Variants in OR14I1 observed in about 807,000 individuals in gnomAD.
OR14I1 encodes olfactory receptor 14I1.
For missense variants in OR14I1, 279 were observed against 181.8 expected, an observed-to-expected ratio of 1.53 and a Z score of -3.07; for synonymous variants, 118 against 71.1, an observed-to-expected ratio of 1.66 and a Z score of -3.32.
chr1:248,685,256 G>A (rs1333642805), upstream of OR14I1, among the ~76,000 whole-genome samples: 1 of 152,120 alleles, frequency 6.6e-6, no homozygotes, highest in Non-Finnish European at 1.5e-5. Flanking sequence ...ATTACATTCT[G>A]CATATTTTGA....
chr1:248,692,722 TA>T, the OR14I1 span: 124,805 of 152,246 alleles, frequency 0.82, 51,691 homozygotes, highest in Non-Finnish European at 0.88. Context: ...ATCAACCACT[TA>T]ACTGACTGCC....
At chr1:248,684,875 T>C (rs893838445), upstream of OR14I1, among the ~76,000 whole-genome samples, 2 of 151,832 alleles carry the variant, frequency 1.3e-5, no homozygotes, top group Non-Finnish European at 2.9e-5. Context: ...TTGAAAACAT[T>C]GAACAGTAAT....
chr1:248,679,653 T>A (rs1661526606), downstream of OR14I1, among the ~76,000 whole-genome samples: 1 of 152,150 alleles, frequency 6.6e-6, no homozygotes, highest in Non-Finnish European at 1.5e-5. Flanking sequence ...ACACCTGCTC[T>A]GGTGGGACAG....
exon 1 of OR14I1, chr1:248,682,038 G>A (rs1201516143): frequency 2.6e-6 from 2 of 781,070 alleles, no homozygotes; most frequent in East Asian, 4.8e-5. Flanking sequence ...GATAAGAGAT[G>A]GAGCTTCTGC....
At chr1:248,702,036 G>T in the OR14I1 span, among the ~76,000 whole-genome samples, 1 of 152,008 alleles carries the variant, frequency 6.6e-6, no homozygotes, top group Non-Finnish European at 1.5e-5. Flanking sequence ...CAAACGGGAA[G>T]GTGCTACACA....
At chr1:248,701,945 G>A in the OR14I1 span, among the ~76,000 whole-genome samples, 7 of 152,144 alleles carry the variant, frequency 4.6e-5, no homozygotes, top group Non-Finnish European at 7.4e-5. Flanking sequence ...ATGGCTGGGG[G>A]GCCTCAGGAA....
the OR14I1 span, among the ~76,000 whole-genome samples, chr1:248,689,018 T>C: frequency 6.6e-6 from 1 of 152,172 alleles, no homozygotes; most frequent in African/African-American, 2.4e-5. Context: ...ATGACTGGTA[T>C]AGAAATGAAA....
upstream of OR14I1, among the ~76,000 whole-genome samples, chr1:248,685,899 A>G (rs1661642799): frequency 6.6e-6 from 1 of 151,828 alleles, no homozygotes; most frequent in Non-Finnish European, 1.5e-5. Flanking sequence ...GAGGACATAC[A>G]AAACAAATCT....
At chr1:248,693,688 T>C in the OR14I1 span, among the ~76,000 whole-genome samples, 1 of 152,002 alleles carries the variant, frequency 6.6e-6, no homozygotes, top group Non-Finnish European at 1.5e-5. Context: ...CTCTTCTCCT[T>C]TCCCCATCCT....
At chr1:248,690,487 G>A in the OR14I1 span, among the ~76,000 whole-genome samples, 2 of 148,400 alleles carry the variant, frequency 1.3e-5, no homozygotes, top group South Asian at 2.1e-4. Flanking sequence ...AGAAGAAACG[G>A]ATAAATTCCT....
At chr1:248,691,168 G>T in the OR14I1 span, among the ~76,000 whole-genome samples, 16 of 152,326 alleles carry the variant, frequency 1.1e-4, no homozygotes, top group African/African-American at 3.8e-4. Flanking sequence ...AACAGCAGTT[G>T]GGTAACAGGA....
At chr1:248,697,571 G>C in the OR14I1 span, among the ~76,000 whole-genome samples, 1 of 151,710 alleles carries the variant, frequency 6.6e-6, no homozygotes, top group Non-Finnish European at 1.5e-5. Flanking sequence ...GATCACTTGA[G>C]GTCGGGAGTT....
At chr1:248,695,727 C>T in the OR14I1 span, among the ~76,000 whole-genome samples, 2 of 152,150 alleles carry the variant, frequency 1.3e-5, no homozygotes, top group African/African-American at 4.8e-5. Flanking sequence ...CTTCCCAACC[C>T]CTTCTCCTAC....
the OR14I1 span, among the ~76,000 whole-genome samples, chr1:248,691,966 C>T: frequency 6.6e-6 from 1 of 152,216 alleles, no homozygotes; most frequent in Non-Finnish European, 1.5e-5. Flanking sequence ...CTCCAGAGGC[C>T]GAGCTCACAG....
the OR14I1 span, chr1:248,692,607 A>G: frequency 0.13 from 20,186 of 152,496 alleles, 1,390 homozygotes; most frequent in East Asian, 0.17. Flanking sequence ...TGGGCAGTGT[A>G]CTCATCAGCA....
At position 248,682,254 on chromosome 1, in the gene OR14I1, A is replaced by G. The variant is rs774781048; in HGVS notation, c.51T>C (p.Gly17=). ...CGTGCAGCACCTGCAGCTCCCAGAT[A>G]CCAGAAAACTCCATCAGCAGGAATT... Residue 17 remains glycine (G), a synonymous_variant, in exon 1 of 1, where the codon GGT becomes GGC. Coordinates refer to ENST00000342623, the Ensembl canonical transcript of OR14I1. 5.2e-6 allele frequency: 4 copies of G among 768,852 alleles called. No individual in the cohort carries two copies. In the South Asian group the frequency reaches 5.5e-5, roughly 11 times the overall value. The allele number at this position is 768,852 out of a possible 1,614,324, so 47.6% of individuals were successfully genotyped here.
chr1:248,690,775 C>CA, the OR14I1 span, among the ~76,000 whole-genome samples: 1,023 of 120,776 alleles, frequency 8.5e-3, 5 homozygotes, highest in South Asian at 0.013. Flanking sequence ...AGAGACACAA[C>CA]CAAAAAAAAA....
At chr1:248,683,164 C>A (rs534930782), upstream of OR14I1, among the ~76,000 whole-genome samples, 8 of 152,216 alleles carry the variant, frequency 5.3e-5, no homozygotes, top group Non-Finnish European at 1.2e-4. Flanking sequence ...GCATTTAAAT[C>A]AAGGCAGTTC....
At chr1:248,696,645 C>A in the OR14I1 span, among the ~76,000 whole-genome samples, 1 of 152,148 alleles carries the variant, frequency 6.6e-6, no homozygotes, top group Non-Finnish European at 1.5e-5. Flanking sequence ...TGGAAGTAGA[C>A]CTTTTTCAGG....
Sources: gnomAD v4.1 joint callset for allele counts (sites outside exome capture counted in the v4.1 genomes callset) on GRCh38, gnomAD v4.1.1 for gene constraint, MANE v1.5 for transcripts, NCBI Gene and HGNC (gene_info 2026-07-23, HGNC 2026-07-21) for gene names.